Variants in DNAH7 observed in about 807,000 individuals in gnomAD.
DNAH7 encodes the protein dynein axonemal heavy chain 7, also known as axonemal beta dynein heavy chain 7.
In DNAH7, 397 loss-of-function variants were observed where a neutral mutation model predicts 444.6. That is an observed-to-expected ratio of 0.89 (90% CI 0.82 to 0.97). DNAH7 has a LOEUF of 0.97. DNAH7 is among the 50% of genes least tolerant of loss of function. DNAH7 has a pLI of 0.00. For synonymous variants in DNAH7, 1,636 were observed against 1,624.4 expected, an observed-to-expected ratio of 1.01 and a Z score of -0.17; for missense variants, 4,902 against 4,800.8, an observed-to-expected ratio of 1.02 and a Z score of -0.62.
Position 195,895,214 on chromosome 2 carries a change from G to A in DNAH7, c.4658C>T (p.Ser1553Leu), listed in dbSNP as rs769152463. The change falls in exon 30 of 65, where the codon TCG becomes TTG. Residue 1553 changes from serine to leucine, a missense_variant. Physicochemically the swap from Ser to Leu is moderately radical, Grantham distance 145 (BLOSUM62 -2). Transcript: ENST00000312428. ...TAATTTTACCCCAGGAAACAAATCC[G>A]AAGTAATTCCCTGATGATAGATGAT... ...HDLPLFEGIT[S>L]DLFPGVKLPK... is the part of the protein sequence containing the mutation. The A allele has an allele frequency of 2.1e-5, 33 of 1,603,108 alleles. No homozygotes were observed. In the South Asian group the frequency reaches 2.5e-4, roughly 12 times the overall value.
intron 54 of DNAH7, among the ~76,000 whole-genome samples, chr2:195,804,400 C>T (rs1013670890): frequency 7.9e-5 from 12 of 152,174 alleles, no homozygotes; most frequent in Non-Finnish European, 1.2e-4. Context: ...GATAATATAA[C>T]GGCATACTAA....
chr2:195,964,791 G>A (rs1277800114), intron 17 of DNAH7, among the ~76,000 whole-genome samples: 2 of 150,750 alleles, frequency 1.3e-5, no homozygotes, highest in East Asian at 3.9e-4. Flanking sequence ...CAGAAGAATC[G>A]CTTGAACCCA....
At position 195,991,308 on chromosome 2, in the gene DNAH7, T is replaced by TCTCTGCAAGGAATCTTC. The variant is rs149718635; in HGVS notation, c.1354-3096_1354-3080dup. Among the ~76,000 whole-genome samples, 2,934 of 152,180 alleles carry TCTCTGCAAGGAATCTTC rather than the reference T, an allele frequency of 0.019. 247 individuals carry two copies. The East Asian group carries it at 0.27, about 14-fold the overall frequency. Reference sequence around the variant, plus strand: ...CATGCTGACAATTGCCACCCAACTTTCTCTGCAAGGAATCTTCCTTCAAAT... The same window carrying TCTCTGCAAGGAATCTTC: ...CATGCTGACAATTGCCACCCAACTTTCTCTGCAAGGAATCTTCCTCTGCAAGGAATCTTCCTTCAAAT... On this transcript the variant is annotated intron_variant, in intron 12 of 64. Transcript: ENST00000312428.
chr2:195,956,407 T>C (rs768209836), intron 19 of DNAH7, among the ~76,000 whole-genome samples: 8 of 152,218 alleles, frequency 5.3e-5, no homozygotes, highest in Non-Finnish European at 1.2e-4. Context: ...TCCCAGCATT[T>C]TGGGAGGCCG....
intron 5 of DNAH7, among the ~76,000 whole-genome samples, chr2:196,044,882 C>T (rs1308048203): frequency 6.6e-6 from 1 of 151,930 alleles, no homozygotes; most frequent in African/African-American, 2.4e-5. Context: ...GCCTGGGCAA[C>T]ATGGTGCAAC....
intron 58 of DNAH7, among the ~76,000 whole-genome samples, chr2:195,779,756 C>T (rs1347908743): frequency 3.3e-5 from 5 of 152,080 alleles, no homozygotes; most frequent in African/African-American, 1.2e-4. Flanking sequence ...CAGATATATG[C>T]CACCATGCCC....
intron 1 of DNAH7, 23 bp from the exon 2 acceptor site, chr2:196,058,139 C>G: frequency 6.4e-7 from 1 of 1,560,832 alleles, no homozygotes; most frequent in East Asian, 2.3e-5. Flanking sequence ...CATGAAAAAA[C>G]AAAACTGTTT....
At chr2:196,023,384 C>A (rs1005000017) in intron 8 of DNAH7, among the ~76,000 whole-genome samples, 1 of 152,230 alleles carries the variant, frequency 6.6e-6, no homozygotes, top group Non-Finnish European at 1.5e-5. Flanking sequence ...ATCACCCAGT[C>A]TCTGGTATTT....
intron 5 of DNAH7, among the ~76,000 whole-genome samples, chr2:196,037,485 T>C (rs968710566): frequency 6.6e-6 from 1 of 152,058 alleles, no homozygotes; most frequent in South Asian, 2.1e-4. Context: ...AGAGAACACA[T>C]ATAAACAATA....
chr2:195,809,589 T>G (rs1696867264), intron 52 of DNAH7, among the ~76,000 whole-genome samples, 156 bp downstream of exon 52: 2 of 152,204 alleles, frequency 1.3e-5, no homozygotes, highest in Admixed American at 6.5e-5. Flanking sequence ...TCTGTGAAAT[T>G]TATCCTCCTG....
intron 29 of DNAH7, among the ~76,000 whole-genome samples, chr2:195,896,477 G>A (rs900563369): frequency 2.0e-5 from 3 of 151,884 alleles, no homozygotes; most frequent in African/African-American, 7.3e-5. Flanking sequence ...AAATGTTAGA[G>A]CTTGAGGTTT....
At chr2:195,794,199 C>T in intron 57 of DNAH7, 139 bp downstream of exon 57, 1 of 684,962 alleles carries the variant, frequency 1.5e-6, no homozygotes, top group Non-Finnish European at 2.5e-6. Context: ...AGTCAATAAT[C>T]AGTTATCAAA....
At position 196,022,742 on chromosome 2, in the gene DNAH7, T is replaced by G. The variant is rs1270186470; in HGVS notation, c.743+1687A>C. 3.3e-5 allele frequency among the ~76,000 whole-genome samples: 5 copies of G among 152,320 alleles called. No homozygotes were observed. In the East Asian group the frequency reaches 9.7e-4, roughly 29 times the overall value. On this transcript the variant is annotated intron_variant, in intron 8 of 64. Coordinates refer to ENST00000312428, the MANE Select transcript of DNAH7 (RefSeq NM_018897.3). ...TCTTCCAAACTTCTGCTCATGTTGA[T>G]ATTTTTACCACCTTGTATGAATCAC...
At chr2:195,906,312 T>A (rs1687012944) in intron 27 of DNAH7, among the ~76,000 whole-genome samples, 1 of 151,964 alleles carries the variant, frequency 6.6e-6, no homozygotes, top group East Asian at 1.9e-4. Flanking sequence ...GCTTTAAAAA[T>A]TGTTTTCTAA....
intron 53 of DNAH7, among the ~76,000 whole-genome samples, chr2:195,808,006 T>A (rs1696789664): frequency 6.6e-6 from 1 of 152,214 alleles, no homozygotes. Flanking sequence ...ACTCTCTGCA[T>A]ATCTAGCTTT....
intron 12 of DNAH7, among the ~76,000 whole-genome samples, chr2:195,990,104 T>C (rs1056863909): frequency 7.2e-5 from 11 of 152,210 alleles, no homozygotes; most frequent in African/African-American, 2.7e-4. Context: ...TCAATTTTTA[T>C]TTTTGTTGCC....
At chr2:195,941,227 T>C (rs1285680420) in intron 19 of DNAH7, among the ~76,000 whole-genome samples, 3 of 152,058 alleles carry the variant, frequency 2.0e-5, no homozygotes, top group African/African-American at 7.3e-5. Flanking sequence ...TGCGGGGACA[T>C]AGATGAAGCT....
chr2:195,926,226 A>C (rs1184270757), intron 22 of DNAH7, among the ~76,000 whole-genome samples, 200 bp downstream of exon 22: 1 of 152,142 alleles, frequency 6.6e-6, no homozygotes, highest in Non-Finnish European at 1.5e-5. Context: ...TTTAAACATA[A>C]ATTTTGAAAT....
chr2:195,740,579 C>T (rs1446484194), intron 64 of DNAH7, among the ~76,000 whole-genome samples, 187 bp downstream of exon 64: 1 of 118,694 alleles, frequency 8.4e-6, no homozygotes, highest in African/African-American at 3.8e-5. Flanking sequence ...CAAGAATTGA[C>T]TGTATATGTG....
Sources: allele counts gnomAD v4.1 joint callset (sites outside exome capture counted in the v4.1 genomes callset), GRCh38; gene constraint gnomAD v4.1.1; transcripts MANE v1.5; gene names NCBI Gene and HGNC (gene_info 2026-07-23, HGNC 2026-07-21).